The following GRK7 variants were observed in gnomAD, a reference collection of about 807,000 sequenced individuals.
The protein encoded by GRK7 is G protein-coupled receptor kinase 7, also known as rhodopsin kinase GRK7.
In GRK7, 24 loss-of-function variants were observed where a neutral mutation model predicts 34.1. The ratio of observed to expected loss-of-function variants is 0.70; its 90% CI spans 0.51 to 0.99. The LOEUF is 0.99. Ranked by LOEUF, GRK7 falls within the 50% of genes least tolerant of loss-of-function variation. The probability of loss-of-function intolerance (pLI) is 0.00; values close to 1 mark genes in which losing one functional copy is unlikely to be tolerated. For missense variants in GRK7, 644 were observed against 707.3 expected, an observed-to-expected ratio of 0.91 and a Z score of 1.02; for synonymous variants, 256 against 279.4, an observed-to-expected ratio of 0.92 and a Z score of 0.84.
In GRK7 at chr3:141,818,705, A is replaced by G. The variant is rs374133385; in HGVS notation, c.*1655A>G. ...AAAAGGATGTATGTGCACATAATAA[A>G]ATCTAAATTTATCCCAGTGGTAAAA... On this transcript the variant is annotated 3_prime_UTR_variant, in exon 6 of 6. Transcript: ENST00000682958. 3.0e-4 allele frequency among the ~76,000 whole-genome samples: 46 copies of G among 152,272 alleles called. No individual in the cohort carries two copies. Among genetic ancestry groups the G allele is most frequent in the African/African-American group, 1.1e-3 (44 of 41,560 alleles).
At chr3:141,790,169 T>C (rs562898170) in intron 4 of GRK7, among the ~76,000 whole-genome samples, 1 of 152,236 alleles carries the variant, frequency 6.6e-6, no homozygotes, top group East Asian at 1.9e-4. Context: ...GCCCAGCTAA[T>C]TTTTTATACT....
At chr3:141,816,585 T>C (rs1484874890) in intron 5 of GRK7, 129 bp from the exon 6 acceptor site, 1 of 512,972 alleles carries the variant, frequency 1.9e-6, no homozygotes, top group South Asian at 4.7e-5. Flanking sequence ...TTATTCTTTA[T>C]GTTATTATAT....
chr3:141,786,455 A>G (rs1281473463), intron 4 of GRK7, among the ~76,000 whole-genome samples: 2 of 152,154 alleles, frequency 1.3e-5, no homozygotes, highest in African/African-American at 4.8e-5. Flanking sequence ...GTTATGTTAC[A>G]GGGCAAAAGG....
intron 4 of GRK7, among the ~76,000 whole-genome samples, chr3:141,805,058 CCA>C (rs3057590): frequency 0.1 from 15,661 of 149,902 alleles, 1,540 homozygotes; most frequent in African/African-American, 0.26. Flanking sequence ...ACTCATATGC[CCA>C]CACACACACA....
Position 141,768,083 on chromosome 3 carries a change from T to C in GRK7, c.-215+2345T>C, listed in dbSNP as rs370760472. Among the ~76,000 whole-genome samples, 46 of 152,316 alleles carry C rather than the reference T, an allele frequency of 3.0e-4. 1 individual carries two copies. In the South Asian group the frequency reaches 8.9e-3, roughly 29 times the overall value. On this transcript the variant is annotated intron_variant, in intron 1 of 5. Coordinates refer to ENST00000682958, the MANE Select transcript of GRK7 (RefSeq NM_139209.3). The stretch of plus-strand genomic sequence containing the variant: ...TCCTCTATGTTCCCCTTGGATTTGG[T>C]GCCTACCTGTGGAGCGGCCTCTAAC...
chr3:141,783,406 G>A (rs1286351104), intron 4 of GRK7, among the ~76,000 whole-genome samples: 1 of 152,242 alleles, frequency 6.6e-6, no homozygotes, highest in Admixed American at 6.5e-5. Context: ...CTTGAGGCAG[G>A]GGTGAAGGAG....
rs1003062475 is a variant in GRK7 at position 141,780,747 on chromosome 3, A to G, written c.986A>G (p.Asn329Ser). ...AATGTGCTTCTGGATGACCTCGGCA[A>G]CTGCAGGTTATCTGACCTGGGGCTG... ...PENVLLDDLG[N>S]CRLSDLGLAV... Residue 329 changes from asparagine (N) to serine (S), a missense_variant, in exon 4 of 6, where the codon AAC becomes AGC. Transcript: ENST00000682958. 3 of 1,614,216 alleles carry G rather than the reference A, an allele frequency of 1.9e-6. No homozygotes were observed. Among genetic ancestry groups the G allele is most frequent in the Non-Finnish European group, 2.5e-6 (3 of 1,180,050 alleles).
chr3:141,769,924 G>GT (rs896702030), intron 1 of GRK7, among the ~76,000 whole-genome samples: 9 of 152,262 alleles, frequency 5.9e-5, no homozygotes, highest in African/African-American at 2.2e-4. Context: ...TTGTTTGTTT[G>GT]TTTGTTTTGA....
At chr3:141,766,538 T>A (rs2084582237) in intron 1 of GRK7, among the ~76,000 whole-genome samples, 1 of 152,138 alleles carries the variant, frequency 6.6e-6, no homozygotes, top group Admixed American at 6.5e-5. Context: ...AAAAAAAAAG[T>A]CTTTAAAGCA....
intron 4 of GRK7, among the ~76,000 whole-genome samples, chr3:141,787,330 T>C (rs1282343227): frequency 6.6e-6 from 1 of 152,038 alleles, no homozygotes; most frequent in Admixed American, 6.6e-5. Flanking sequence ...AGCATCAAAA[T>C]TAGTGGAGAA....
chr3:141,816,985 C>T lies in GRK7; in HGVS notation c.1597C>T (p.Pro533Ser). 6.2e-7 allele frequency: 1 copy of T among 1,613,738 alleles called. No homozygotes were observed. Among genetic ancestry groups the T allele is most frequent in the South Asian group, 1.1e-5 (1 of 91,014 alleles). Residue 533 changes from proline to serine, a missense_variant, in exon 6 of 6, where the codon CCC becomes TCC. Transcript: ENST00000682958. ...GGGACTGTTTGAGGAACTGAATGAC[C>T]CCAACAGACCTACGGGTTGTGAGGA... ...ETGLFEELND[P>S]NRPTGCEEGN... is the part of the protein sequence containing the mutation.
the GRK7 span, among the ~76,000 whole-genome samples, chr3:141,757,129 C>CTTTTTTTTTTTTT: frequency 3.9e-5 from 4 of 101,354 alleles, no homozygotes; most frequent in Non-Finnish European, 7.6e-5. Flanking sequence ...AGATCTTCTT[C>CTTTTTTTTTTTTT]TTTTTTTTTT....
At chr3:141,758,829 C>G (rs1322291810), upstream of GRK7, among the ~76,000 whole-genome samples, 6 of 151,578 alleles carry the variant, frequency 4.0e-5, no homozygotes, top group Non-Finnish European at 7.4e-5. Context: ...CTTTTATTTC[C>G]TTGAGCAGTG....
At chr3:141,782,778 C>A (rs2084678092) in intron 4 of GRK7, among the ~76,000 whole-genome samples, 1 of 150,236 alleles carries the variant, frequency 6.7e-6, no homozygotes, top group Admixed American at 6.7e-5. Context: ...GCACTCTAGC[C>A]TGGGCTACAA....
chr3:141,806,137 T>C (rs1356785571), intron 4 of GRK7, among the ~76,000 whole-genome samples: 1 of 152,222 alleles, frequency 6.6e-6, no homozygotes, highest in Admixed American at 6.5e-5. Flanking sequence ...AACATCTCAA[T>C]ATAGATTCCT....
At chr3:141,775,138 C>T (rs1000709171) in intron 2 of GRK7, among the ~76,000 whole-genome samples, 1 of 152,096 alleles carries the variant, frequency 6.6e-6, no homozygotes, top group Non-Finnish European at 1.5e-5. Context: ...CAGTGGCTCA[C>T]GCCTGTAATT....
intron 5 of GRK7, among the ~76,000 whole-genome samples, chr3:141,810,005 C>A (rs1197876821): frequency 4.6e-5 from 7 of 152,078 alleles, no homozygotes; most frequent in Non-Finnish European, 8.8e-5. Context: ...TATTTCTGGG[C>A]AGATTTTTAG....
chr3:141,808,408 G>A (rs1268449539), intron 5 of GRK7, among the ~76,000 whole-genome samples: 2 of 152,150 alleles, frequency 1.3e-5, no homozygotes, highest in East Asian at 1.9e-4. Flanking sequence ...TAGAGTAGTC[G>A]AATTCATAGA....
At chr3:141,814,236 CT>C (rs1711124183) in intron 5 of GRK7, among the ~76,000 whole-genome samples, 3 of 147,484 alleles carry the variant, frequency 2.0e-5, no homozygotes, top group African/African-American at 7.6e-5. Flanking sequence ...AAAAAAAAAT[CT>C]TTTATTTTAG....
Sources: gnomAD v4.1 joint callset for allele counts (sites outside exome capture counted in the v4.1 genomes callset) on GRCh38, gnomAD v4.1.1 for gene constraint, MANE v1.5 for transcripts, NCBI Gene and HGNC (gene_info 2026-07-23, HGNC 2026-07-21) for gene names.